The following ACTN3 variants were observed in gnomAD, a reference collection of about 807,000 sequenced individuals.
ACTN3 encodes the protein actinin alpha 3, also known as alpha-actinin-3.
ACTN3 carries 91 observed loss-of-function variants against 119.6 expected under a neutral mutation model. That is an observed-to-expected ratio of 0.76 (90% CI 0.64 to 0.91). The LOEUF (loss-of-function observed/expected upper bound fraction) is 0.91. Ranked by LOEUF, ACTN3 falls within the 40% of genes least tolerant of loss-of-function variation. The pLI is 0.00. For missense variants in ACTN3, 1,221 were observed against 1,215.1 expected (o/e 1.00, Z -0.07); for synonymous variants, 456 against 478.8 (o/e 0.95, Z 0.62).
intron 11 of ACTN3, among the ~76,000 whole-genome samples, chr11:66,558,605 T>TGAGTG (rs1857657972): frequency 6.6e-6 from 1 of 152,006 alleles, no homozygotes; most frequent in South Asian, 2.1e-4. Context: ...TGGACTCGAG[T>TGAGTG]GATCCACCCA....
chr11:66,555,617 TG>T (rs1226927737), intron 7 of ACTN3, among the ~76,000 whole-genome samples: 1 of 152,176 alleles, frequency 6.6e-6, no homozygotes, highest in Non-Finnish European at 1.5e-5. Context: ...CCCAGTTACC[TG>T]GGTTACCTGG....
chr11:66,560,322 G>A lies in ACTN3; in HGVS notation c.1677+11G>A. The stretch of plus-strand genomic sequence containing the variant: ...GTGGAGGAGACCCAGGTGGGTGCCA[G>A]GGTTGCAGGGGATGGATAGGATGAC... On this transcript the variant is annotated intron_variant, in intron 14 of 20. Coordinates refer to ENST00000513398, the MANE Select transcript of ACTN3 (RefSeq NM_001104.4). 6.2e-7 allele frequency: 1 copy of A among 1,609,806 alleles called. No individual in the cohort carries two copies. The highest frequency in any genetic ancestry group is 8.5e-7 in the Non-Finnish European group (1 of 1,177,662).
At chr11:66,550,633 T>G (rs977573916) in intron 1 of ACTN3, among the ~76,000 whole-genome samples, 2 of 152,036 alleles carry the variant, frequency 1.3e-5, no homozygotes, top group African/African-American at 2.4e-5. Flanking sequence ...CTGAGCAACA[T>G]AGTAAGACCG....
At position 66,557,823 on chromosome 11, in the gene ACTN3, G is replaced by A. The variant is rs373409167; in HGVS notation, c.1022G>A (p.Arg341His). ...TACCGGCGTCTGCACAAGCCGCCCC[G>A]CATTCAGGAAAAGTGCCAGCTGGAG... Reference protein sequence around the residue: ...RDYRRLHKPPRIQEKCQLEIN... With the variant: ...RDYRRLHKPPHIQEKCQLEIN... The change falls in exon 10 of 21, where the codon CGC becomes CAC. Residue 341 changes from arginine (R) to histidine (H), a missense_variant. Around this residue, in one of 3 missense-constraint regions of ACTN3, gnomAD observed 934 missense variants for 899.9 expected, o/e 1.04. Coordinates refer to ENST00000513398, the MANE Select transcript of ACTN3 (RefSeq NM_001104.4). 1.2e-5 allele frequency: 19 copies of A among 1,614,054 alleles called. No homozygotes were observed. The highest frequency in any genetic ancestry group is 4.4e-5 in the South Asian group (4 of 91,048).
At position 66,554,117 on chromosome 11, in the gene ACTN3, A is replaced by G. The variant is rs372926742; in HGVS notation, c.455A>G (p.Asp152Gly). The G allele has an allele frequency of 1.9e-6, 3 of 1,613,706 alleles. No homozygotes were observed. Among genetic ancestry groups the G allele is most frequent in the Non-Finnish European group, 2.5e-6 (3 of 1,179,924 alleles). Reference protein sequence around the residue: ...WTIILRFAIQDISVEETSAKE... With the variant: ...WTIILRFAIQGISVEETSAKE... ...ATCATCCTTCGCTTCGCCATCCAGGACATCTCTGTGGAAGGTGAGCAATGG... is the reference window on the plus strand; with the variant it reads ...ATCATCCTTCGCTTCGCCATCCAGGGCATCTCTGTGGAAGGTGAGCAATGG... Residue 152 changes from aspartate (D) to glycine (G), a missense_variant, in exon 4 of 21, where the codon GAC (aspartate) becomes GGC (glycine). Asp to Gly is a moderately conservative substitution (Grantham distance 94). Around this residue, in one of 3 missense-constraint regions of ACTN3, gnomAD observed 239 missense variants for 231.8 expected, o/e 1.03. Transcript: ENST00000513398.
At chr11:66,552,030 C>G (rs190673378) in intron 3 of ACTN3, among the ~76,000 whole-genome samples, 653 of 148,404 alleles carry the variant, frequency 4.4e-3, no homozygotes, top group Non-Finnish European at 5.8e-3. Flanking sequence ...GAGCCGAGAT[C>G]ACACCACTGC....
rs1488833955 is a variant in ACTN3 at position 66,562,844 on chromosome 11, G to A, written c.2437G>A (p.Ala813Thr). Residue 813 changes from alanine to threonine, a missense_variant, in exon 20 of 21, where the codon GCT becomes ACT. This residue lies in a region of ACTN3 where 934 missense variants were observed against 899.9 expected (regional missense o/e 1.04). Coordinates refer to ENST00000513398, the MANE Select transcript of ACTN3 (RefSeq NM_001104.4). ...CATGACCATGGTGGACCCCAACGCA[G>A]CTGGGGTGGTGACCTTCCAGGCCTT... Reference protein sequence around the residue: ...RIMTMVDPNAAGVVTFQAFID... With the variant: ...RIMTMVDPNATGVVTFQAFID... 6.2e-7 allele frequency: 1 copy of A among 1,613,860 alleles called. No homozygotes were observed. The highest frequency in any genetic ancestry group is 8.5e-7 in the Non-Finnish European group (1 of 1,179,808).
At chr11:66,556,285 G>A in intron 8 of ACTN3, 55 bp downstream of exon 8, 6 of 1,569,502 alleles carry the variant, frequency 3.8e-6, no homozygotes, top group Non-Finnish European at 5.2e-6. Context: ...GCCCAACCTT[G>A]GCTGTAGTCC....
At chr11:66,558,239 G>A in intron 11 of ACTN3, 65 bp downstream of exon 11, 4 of 1,589,722 alleles carry the variant, frequency 2.5e-6, no homozygotes, top group Non-Finnish European at 3.4e-6. Flanking sequence ...GCAGGGGCAG[G>A]AGGGGAGGTT....
At chr11:66,551,118 G>A (rs948558579) in intron 1 of ACTN3, 121 bp from the exon 2 acceptor site, 2 of 770,388 alleles carry the variant, frequency 2.6e-6, no homozygotes, top group Admixed American at 2.0e-5. Context: ...TGGCTGAGCT[G>A]AGCTGAGACT....
At chr11:66,555,876 C>G (rs925677746) in intron 7 of ACTN3, among the ~76,000 whole-genome samples, 3 of 152,198 alleles carry the variant, frequency 2.0e-5, no homozygotes, top group Non-Finnish European at 4.4e-5. Context: ...CAGCGTGGAC[C>G]AGTCCCTCAC....
At position 66,558,098 on chromosome 11, in the gene ACTN3, C is replaced by A. The variant is rs747900211; in HGVS notation, c.1200C>A (p.Ile400=). 5.2e-5 allele frequency: 84 copies of A among 1,613,698 alleles called. No homozygotes were observed. The highest frequency in any genetic ancestry group is 6.4e-5 in the Non-Finnish European group (76 of 1,179,884). Residue 400 remains isoleucine, a synonymous_variant, in exon 11 of 21, where the codon ATC becomes ATA. Transcript: ENST00000513398. ...KGYEDWLLSE[I]RRLQRLQHLA... ...ATGAGGACTGGCTGCTCTCGGAGAT[C>A]CGGCGCCTGCAGCGACTCCAGCACC...
In ACTN3 at chr11:66,563,093, G is replaced by A; in HGVS notation, c.2606G>A (p.Cys869Tyr). ...CTCCCTGCCAAGCAGGCCGAGTACT[G>A]CATCCGCCGTATGGTGCCCTACAAG... ...RELPAKQAEY[C>Y]IRRMVPYKGS... Residue 869 changes from cysteine to tyrosine, a missense_variant, in exon 21 of 21, where the codon TGC (cysteine) becomes TAC (tyrosine). Cys to Tyr is a radical substitution (Grantham distance 194, BLOSUM62 -2). Around this residue, in one of 3 missense-constraint regions of ACTN3, gnomAD observed 934 missense variants for 899.9 expected, o/e 1.04. Transcript: ENST00000513398. 6.2e-7 allele frequency: 1 copy of A among 1,613,246 alleles called. No homozygotes were observed. The highest frequency in any genetic ancestry group is 8.5e-7 in the Non-Finnish European group (1 of 1,179,740).
chr11:66,547,756 T>C lies in ACTN3; in HGVS notation c.147+672T>C, dbSNP rs375357663. On this transcript the variant is annotated intron_variant, in intron 1 of 20. Transcript: ENST00000513398. ...CATAGGTCGGGGAGGAGGGGAGACC[T>C]GGGTCCCCTTACGCTGTAACCTGAC... 1.4e-4 allele frequency among the ~76,000 whole-genome samples: 21 copies of C among 152,084 alleles called. No individual in the cohort carries two copies. In the East Asian group the frequency reaches 2.5e-3, roughly 18 times the overall value.
chr11:66,549,277 C>T (rs1038032883), intron 1 of ACTN3, among the ~76,000 whole-genome samples: 1 of 152,224 alleles, frequency 6.6e-6, no homozygotes, highest in African/African-American at 2.4e-5. Context: ...AATTCCTGCC[C>T]ATCACAGCTC....
intron 3 of ACTN3, 110 bp downstream of exon 3, chr11:66,551,757 C>A: frequency 6.8e-7 from 1 of 1,475,094 alleles, no homozygotes; most frequent in Non-Finnish European, 9.2e-7. Context: ...AGAATAATCC[C>A]TGCCTCGCAA....
upstream of ACTN3, chr11:66,546,561 G>C (rs950183211): frequency 3.3e-6 from 5 of 1,535,646 alleles, no homozygotes; most frequent in Middle Eastern, 3.3e-4. Context: ...AGAGGCTCAC[G>C]AGGAGCTCCA....
intron 11 of ACTN3, 25 bp downstream of exon 11, chr11:66,558,199 T>A (rs767592112): frequency 2.5e-6 from 4 of 1,609,500 alleles, no homozygotes; most frequent in Middle Eastern, 1.6e-4. Flanking sequence ...CTCATGGGGC[T>A]GGACTGTCTC....
In ACTN3 at chr11:66,557,842, G is replaced by C. The variant is rs556150704; in HGVS notation, c.1041G>C (p.Gln347His). The C allele has an allele frequency of 5.0e-6, 8 of 1,614,234 alleles. No individual in the cohort carries two copies. ...HKPPRIQEKC[Q>H]LEINFNTLQT... ...CGCCCCGCATTCAGGAAAAGTGCCA[G>C]CTGGAGATCAACTTCAACACACTGC... The change falls in exon 10 of 21, where the codon CAG (glutamine) becomes CAC (histidine). Residue 347 changes from glutamine to histidine, a missense_variant. Coordinates refer to ENST00000513398, the MANE Select transcript of ACTN3 (RefSeq NM_001104.4).
Sources: gnomAD v4.1 joint callset for allele counts (sites outside exome capture counted in the v4.1 genomes callset) on GRCh38, gnomAD v4.1.1 for gene constraint, gnomAD v4.1.1 regional missense constraint, MANE v1.5 for transcripts, NCBI Gene and HGNC (gene_info 2026-07-23, HGNC 2026-07-21) for gene names.